MINK1: variants seen among roughly 807,000 people sequenced by gnomAD.
MINK1 encodes the protein misshapen like kinase 1, also known as misshapen-like kinase 1.
MINK1 carries 46 observed loss-of-function variants against 178.4 expected under a neutral mutation model. The observed-to-expected ratio is 0.26, with a 90% CI of 0.20 to 0.33. The LOEUF is 0.33. Ranked by LOEUF, MINK1 falls within the 10% of genes least tolerant of loss-of-function variation. The pLI, the probability that MINK1 is intolerant of heterozygous loss-of-function variation, is 1.00. For missense variants in MINK1, 1,366 were observed against 1,814.9 expected (o/e 0.75, Z 4.49); for synonymous variants, 797 against 709.7 (o/e 1.12, Z -1.96).
chr17:4,864,294 G>T (rs1914611359), intron 1 of MINK1, among the ~76,000 whole-genome samples: 1 of 151,982 alleles, frequency 6.6e-6, no homozygotes, highest in Non-Finnish European at 1.5e-5. Context: ...AGCTACTCGG[G>T]AGGCTGAGGC....
rs201104705 is a variant in MINK1, at chr17:4,890,990, C to T, written c.1606C>T (p.Pro536Ser). 1.4e-4 allele frequency: 225 copies of T among 1,560,488 alleles called. No homozygotes were observed. The highest frequency in any genetic ancestry group is 1.9e-4 in the Non-Finnish European group (215 of 1,152,374). Residue 536 changes from proline to serine, a missense_variant, in exon 15 of 32, where the codon CCC (proline) becomes TCC (serine). By Grantham distance (74) the Pro-to-Ser change is moderately conservative. Transcript: ENST00000355280. ...AAGGATGAACAAGCAGCAGAACTCT[C>T]CCTTGGCCAAGAGCAAGCCAGGCAG... ...RTRMNKQQNS[P>S]LAKSKPGSTG...
rs1383106446 is a variant in MINK1 at position 4,833,391 on chromosome 17, T to A, written c.-193T>A. ...AGGAGAGGTGGTAGGCTCGGGTGGCTGGCTCCGGGGAGATAGCGCCTGTCA... is the reference window on the plus strand; with the variant it reads ...AGGAGAGGTGGTAGGCTCGGGTGGCAGGCTCCGGGGAGATAGCGCCTGTCA... On this transcript the variant is annotated 5_prime_UTR_variant, in exon 1 of 32. Transcript: ENST00000355280. The surrounding 1 kb of genome is among the most constrained non-coding windows in gnomAD (Gnocchi z 4.8). 1.8e-5 allele frequency: 9 copies of A among 513,298 alleles called. No individual in the cohort carries two copies. Among genetic ancestry groups the A allele is most frequent in the Non-Finnish European group, 2.7e-5 (8 of 293,014 alleles). 31.8% of individuals were successfully genotyped at this position (513,298 alleles called of 1,614,324 possible). A position where few individuals can be genotyped will look rare whatever the true frequency, so the allele number is the denominator to read the frequency against.
In MINK1 at chr17:4,893,466, C is replaced by T. The variant is rs749879431; in HGVS notation, c.2433C>T (p.Asp811=). The change falls in exon 21 of 32, where the codon GAC becomes GAT. Residue 811 remains aspartate, a synonymous_variant. Coordinates refer to ENST00000355280, the MANE Select transcript of MINK1 (RefSeq NM_153827.5). ...TGTTGCTGAAAGAGCGGACTCTGGA[C>T]GAGGCCCCTCGGCCTCCCAAGAAGG... is the stretch of plus-strand genomic sequence containing the variant. The part of the protein sequence containing the change: ...DFVLLKERTL[D]EAPRPPKKAM... 38 of 1,593,584 alleles carry T rather than the reference C, an allele frequency of 2.4e-5. 1 individual carries two copies. The Middle Eastern group carries it at 5.0e-4, about 21-fold the overall frequency.
chr17:4,895,956 G>A lies in MINK1; in HGVS notation c.3365-47G>A. On this transcript the variant is annotated intron_variant, in intron 27 of 31. Coordinates refer to ENST00000355280, the MANE Select transcript of MINK1 (RefSeq NM_153827.5). The surrounding 1 kb of genome is among the most constrained non-coding windows in gnomAD (Gnocchi z 4.3). ...TGACAGACCACGGGGAGGCGCCCGT[G>A]GCGCAAGAAGGGAAGTCTCAGCATC... The A allele has an allele frequency of 6.4e-7, 1 of 1,568,766 alleles. No homozygotes were observed.
At chr17:4,875,313 G>A (rs1032123762) in intron 1 of MINK1, among the ~76,000 whole-genome samples, 4 of 152,058 alleles carry the variant, frequency 2.6e-5, no homozygotes, top group African/African-American at 9.7e-5. Flanking sequence ...ATTTACACCC[G>A]TTAAATATTG....
chr17:4,889,593 A>G, intron 12 of MINK1, 54 bp from the exon 13 acceptor site: 2 of 1,416,454 alleles, frequency 1.4e-6, no homozygotes, highest in Admixed American at 2.0e-5. Context: ...ATGGAGGGGC[A>G]GTGCTGACGC....
chr17:4,890,594 C>T lies in MINK1; in HGVS notation c.1425C>T (p.Tyr475=), dbSNP rs1364608815. ...GGCAGCTGCAGCAGGAGCATGCCTA[C>T]CTCAAGTCCCTGCAGCAGCAGCAAC... ...LQRQLQQEHA[Y]LKSLQQQQQQ... Residue 475 remains tyrosine (Y), a synonymous_variant, in exon 14 of 32, where the codon TAC becomes TAT. Transcript: ENST00000355280. 1 of 1,567,566 alleles carries T rather than the reference C, an allele frequency of 6.4e-7. No homozygotes were observed. The highest frequency in any genetic ancestry group is 1.2e-5 in the South Asian group (1 of 85,082).
chr17:4,852,620 CA>C (rs1279431013), intron 1 of MINK1, among the ~76,000 whole-genome samples: 1 of 149,416 alleles, frequency 6.7e-6, no homozygotes, highest in South Asian at 2.2e-4. Flanking sequence ...CAGCAAGAAC[CA>C]AAAGGCACCA....
Position 4,885,128 on chromosome 17 carries a change from C to A in MINK1, c.508+126C>A. ...CTACTGGGGAGGCTCACTCCCTCCCCTTTCCCCTCTCCCCCTGGAATGCCC... is the reference window on the plus strand; with the variant it reads ...CTACTGGGGAGGCTCACTCCCTCCCATTTCCCCTCTCCCCCTGGAATGCCC... On this transcript the variant is annotated intron_variant, in intron 6 of 31. Coordinates refer to ENST00000355280, the MANE Select transcript of MINK1 (RefSeq NM_153827.5). The surrounding 1 kb of genome is among the most constrained non-coding windows in gnomAD (Gnocchi z 5.0). 1.2e-6 allele frequency: 1 copy of A among 841,784 alleles called. No individual in the cohort carries two copies. The highest frequency in any genetic ancestry group is 1.9e-6 in the Non-Finnish European group (1 of 532,368). The allele number at this position is 841,784 out of a possible 1,614,324, so 52.1% of individuals were successfully genotyped here. A position where few individuals can be genotyped will look rare whatever the true frequency, so the allele number is the denominator to read the frequency against.
In MINK1 at chr17:4,838,862, T is replaced by C. The variant is rs560532088; in HGVS notation, c.57+5222T>C. 7.2e-5 allele frequency among the ~76,000 whole-genome samples: 11 copies of C among 152,284 alleles called. No individual in the cohort carries two copies. The South Asian group carries it at 2.3e-3, about 32-fold the overall frequency. Reference sequence around the variant, plus strand: ...CAGATTCTATGGAAAGGATGTAATATAGTACTCAGTCCTCTACTAAGCTAT... The same window carrying C: ...CAGATTCTATGGAAAGGATGTAATACAGTACTCAGTCCTCTACTAAGCTAT... On this transcript the variant is annotated intron_variant, in intron 1 of 31. Transcript: ENST00000355280.
intron 4 of MINK1, among the ~76,000 whole-genome samples, chr17:4,884,147 A>C (rs1016405502): frequency 4.0e-5 from 6 of 151,204 alleles, no homozygotes; most frequent in Admixed American, 2.6e-4. Context: ...GATTACAGGC[A>C]TGAGCCACCG....
intron 1 of MINK1, among the ~76,000 whole-genome samples, chr17:4,841,959 C>T (rs1481272753): frequency 2.0e-5 from 3 of 151,928 alleles, no homozygotes; most frequent in East Asian, 1.9e-4. Context: ...CGGTGGCTCA[C>T]GCCTGTAATC....
At chr17:4,852,010 A>G (rs112761773) in intron 1 of MINK1, among the ~76,000 whole-genome samples, 1 of 151,054 alleles carries the variant, frequency 6.6e-6, no homozygotes, top group African/African-American at 2.4e-5. Flanking sequence ...AAAAAAAAAA[A>G]AAAAAAAAAA....
intron 1 of MINK1, among the ~76,000 whole-genome samples, chr17:4,848,384 G>A (rs759298572): frequency 2.6e-5 from 4 of 152,146 alleles, no homozygotes; most frequent in Non-Finnish European, 5.9e-5. Flanking sequence ...TTTTTGAGAC[G>A]GAGTCTCACT....
chr17:4,836,500 T>C lies in MINK1; in HGVS notation c.57+2860T>C, dbSNP rs923154592. Among the ~76,000 whole-genome samples the C allele has an allele frequency of 9.9e-5, 15 of 152,160 alleles. No individual in the cohort carries two copies. The highest frequency in any genetic ancestry group is 3.4e-4 in the African/African-American group (14 of 41,432). ...TTGCAGCCCTGAGTTCAAGTCCTAGTTTCTTCCCTTACAATGTAACCCTGG... is the reference window on the plus strand; with the variant it reads ...TTGCAGCCCTGAGTTCAAGTCCTAGCTTCTTCCCTTACAATGTAACCCTGG... On this transcript the variant is annotated intron_variant, in intron 1 of 31. Transcript: ENST00000355280. This position sits in a 1 kb window ranked among gnomAD's most constrained non-coding sequence, Gnocchi z 4.3.
chr17:4,872,588 T>C (rs564074042), intron 1 of MINK1, among the ~76,000 whole-genome samples: 2 of 151,990 alleles, frequency 1.3e-5, no homozygotes, highest in Admixed American at 6.6e-5. Flanking sequence ...TTGACCAACA[T>C]GGTAAAACCC....
Position 4,894,093 on chromosome 17 carries a change from CGT to C in MINK1, c.2670+2_2670+3del. 6.3e-7 allele frequency: 1 copy of C among 1,594,494 alleles called. No individual in the cohort carries two copies. Among genetic ancestry groups the C allele is most frequent in the Non-Finnish European group, 8.6e-7 (1 of 1,168,846 alleles). The stretch of plus-strand genomic sequence containing the variant: ...GGGGCGGCACCATGGTGGTCCAGCG[CGT>C]GAGTGAGCCTCTGCTCCCTCCCCTG... On this transcript the variant is annotated splice_donor_variant, in intron 22 of 31. Transcript: ENST00000355280. LOFTEE classifies it high-confidence loss of function. This position sits in a 1 kb window ranked among gnomAD's most constrained non-coding sequence, Gnocchi z 4.1.
chr17:4,890,314 G>A (rs941220324), intron 13 of MINK1: 15 of 1,381,710 alleles, frequency 1.1e-5, no homozygotes, highest in East Asian at 2.8e-5. Context: ...TGCTGGTAAC[G>A]GGTCCCTCAG....
At position 4,833,692 on chromosome 17, in the gene MINK1, G is replaced by A. The variant is rs1908827917; in HGVS notation, c.57+52G>A. 6.4e-6 allele frequency: 9 copies of A among 1,413,588 alleles called. No individual in the cohort carries two copies. In the East Asian group the frequency reaches 2.4e-4, roughly 38 times the overall value. The allele number at this position is 1,413,588 out of a possible 1,614,324, so 87.6% of individuals were successfully genotyped here. A position where few individuals can be genotyped will look rare whatever the true frequency, so the allele number is the denominator to read the frequency against. ...CCTGGTTCCTGTCCCCGCCGCAGGG[G>A]AGGGAGCGGGGTGGCTGCACGCCTC... On this transcript the variant is annotated intron_variant, in intron 1 of 31. Transcript: ENST00000355280. This position sits in a 1 kb window ranked among gnomAD's most constrained non-coding sequence, Gnocchi z 4.8.
Sources: gnomAD v4.1 joint callset for allele counts (sites outside exome capture counted in the v4.1 genomes callset) on GRCh38, gnomAD v4.1.1 for gene constraint, Gnocchi (gnomAD v3.1) non-coding constraint, MANE v1.5 for transcripts, NCBI Gene and HGNC (gene_info 2026-07-23, HGNC 2026-07-21) for gene names.